The following TMEM51 variants were observed in gnomAD, a reference collection of about 807,000 sequenced individuals.
TMEM51 encodes the protein transmembrane protein 51, also known as chromosome 1 open reading frame 72.
A neutral mutation model predicts 13.6 loss-of-function variants in TMEM51; 8 were observed. That is an observed-to-expected ratio of 0.59 (90% CI 0.35 to 1.07). The LOEUF (loss-of-function observed/expected upper bound fraction) is 1.07. Among genes scored for constraint, TMEM51 ranks in the 50% least tolerant of loss-of-function variants. The pLI, the probability that TMEM51 is intolerant of heterozygous loss-of-function variation, is 0.02. For missense variants in TMEM51, 279 were observed against 330.7 expected (o/e 0.84, Z 1.21); for synonymous variants, 147 against 144.4 (o/e 1.02, Z -0.13).
At chr1:15,204,905 G>A (rs547570485) in intron 1 of TMEM51, among the ~76,000 whole-genome samples, 1 of 152,272 alleles carries the variant, frequency 6.6e-6, no homozygotes, top group South Asian at 2.1e-4. Context: ...TCGGGGGGCT[G>A]CTGCTGTTGT....
At chr1:15,173,136 C>CATGCCTAGG (rs1308957685) in intron 1 of TMEM51, among the ~76,000 whole-genome samples, 1 of 151,388 alleles carries the variant, frequency 6.6e-6, no homozygotes, top group Non-Finnish European at 1.5e-5. Context: ...TGTGCCTGGA[C>CATGCCTAGG]ATGCCTAGGG....
intron 1 of TMEM51, among the ~76,000 whole-genome samples, chr1:15,191,268 C>G (rs1004818940): frequency 1.3e-5 from 2 of 152,204 alleles, no homozygotes; most frequent in Non-Finnish European, 2.9e-5. Flanking sequence ...CTGAAGCCTC[C>G]AGAAGGAACA....
At chr1:15,210,238 G>A (rs1044453574) in intron 1 of TMEM51, among the ~76,000 whole-genome samples, 1 of 152,184 alleles carries the variant, frequency 6.6e-6, no homozygotes, top group African/African-American at 2.4e-5. Context: ...TGGAGCACAT[G>A]TCTAAGATGG....
chr1:15,167,143 T>G (rs1331954341), intron 1 of TMEM51, among the ~76,000 whole-genome samples: 4 of 151,764 alleles, frequency 2.6e-5, no homozygotes, highest in African/African-American at 9.7e-5. Context: ...CTGGCTAACA[T>G]GGTTAAACCC....
At chr1:15,154,078 C>G (rs929596163) in intron 1 of TMEM51, 124 bp downstream of exon 1, 1 of 152,158 alleles carries the variant, frequency 6.6e-6, no homozygotes, top group Non-Finnish European at 1.5e-5. Context: ...GTCCGCCGAG[C>G]GCTTCCCGCC....
At chr1:15,218,883 G>A (rs1644468339) in intron 3 of TMEM51, among the ~76,000 whole-genome samples, 1 of 152,154 alleles carries the variant, frequency 6.6e-6, no homozygotes, top group South Asian at 2.1e-4. Context: ...CTAAAAGTGG[G>A]TATAAATACA....
intron 1 of TMEM51, among the ~76,000 whole-genome samples, chr1:15,171,739 G>A (rs879293352): frequency 6.6e-6 from 1 of 152,184 alleles, no homozygotes; most frequent in African/African-American, 2.4e-5. Context: ...TCTGGGAAAA[G>A]TAGTTCCAGC....
At chr1:15,162,720 T>C (rs1174160252) in intron 1 of TMEM51, among the ~76,000 whole-genome samples, 3 of 152,058 alleles carry the variant, frequency 2.0e-5, no homozygotes, top group African/African-American at 7.3e-5. Context: ...TGCTGCAACA[T>C]GGACGAACCT....
intron 1 of TMEM51, among the ~76,000 whole-genome samples, chr1:15,194,000 A>C (rs1040786461): frequency 1.3e-5 from 2 of 152,004 alleles, no homozygotes; most frequent in Admixed American, 6.5e-5. Context: ...AGATTCCACT[A>C]TACCACTATG....
intron 2 of TMEM51, among the ~76,000 whole-genome samples, chr1:15,211,048 T>C (rs969926688): frequency 2.6e-5 from 4 of 152,222 alleles, no homozygotes; most frequent in Non-Finnish European, 5.9e-5. Context: ...AAGCAACACA[T>C]AGATATTTCT....
intron 1 of TMEM51, among the ~76,000 whole-genome samples, chr1:15,182,419 A>G (rs1308259300): frequency 6.6e-6 from 1 of 152,216 alleles, no homozygotes; most frequent in Non-Finnish European, 1.5e-5. Flanking sequence ...GCACAGCGTC[A>G]GCAAGCCTCA....
In TMEM51 at chr1:15,215,169, A is replaced by T. The variant is rs1416001022; in HGVS notation, c.82A>T (p.Met28Leu). 3 of 1,614,196 alleles carry T rather than the reference A, an allele frequency of 1.9e-6. No homozygotes were observed. Among genetic ancestry groups the T allele is most frequent in the Non-Finnish European group, 2.5e-6 (3 of 1,180,040 alleles). ...GGGGATGCTGGTCCTTGGGGTGATC[A>T]TGGCCATGTGGAACCTGGTACCCGG... ...GLGMLVLGVI[M>L]AMWNLVPGFS... Residue 28 changes from methionine (M) to leucine (L), a missense_variant, in exon 3 of 4, where the codon ATG (methionine) becomes TTG (leucine). Physicochemically the swap from Met to Leu is conservative, Grantham distance 15. Coordinates refer to ENST00000376008, the MANE Select transcript of TMEM51 (RefSeq NM_001136218.2).
intron 3 of TMEM51, among the ~76,000 whole-genome samples, chr1:15,219,099 TAACTC>T (rs1644472492): frequency 6.6e-6 from 1 of 152,228 alleles, no homozygotes; most frequent in Non-Finnish European, 1.5e-5. Context: ...GACTAGTACT[TAACTC>T]ATAGTGTTGT....
At chr1:15,213,551 GTCC>G (rs1644375756) in intron 2 of TMEM51, among the ~76,000 whole-genome samples, 2 of 152,172 alleles carry the variant, frequency 1.3e-5, no homozygotes, top group African/African-American at 4.8e-5. Flanking sequence ...CTCCTCCTCA[GTCC>G]TTGAGAATGT....
chr1:15,167,326 C>CAAAAA (rs555274126), intron 1 of TMEM51, among the ~76,000 whole-genome samples: 52 of 69,430 alleles, frequency 7.5e-4, no homozygotes, highest in Middle Eastern at 0.01. Context: ...GACTCCATCT[C>CAAAAA]AAAAAAAAAA....
upstream of TMEM51, among the ~76,000 whole-genome samples, chr1:15,153,456 G>A (rs1642465223): frequency 6.6e-6 from 1 of 152,190 alleles, no homozygotes; most frequent in South Asian, 2.1e-4. Context: ...GAGGAGGGGG[G>A]ATCAGGGCTC....
At chr1:15,210,299 T>C (rs1308421138) in intron 1 of TMEM51, among the ~76,000 whole-genome samples, 191 bp from the exon 2 acceptor site, 1 of 152,218 alleles carries the variant, frequency 6.6e-6, no homozygotes, top group Non-Finnish European at 1.5e-5. Context: ...TTGTCATCCT[T>C]CTGCAACTCA....
chr1:15,188,454 A>G (rs1221672305), intron 1 of TMEM51, among the ~76,000 whole-genome samples: 1 of 152,198 alleles, frequency 6.6e-6, no homozygotes, highest in African/African-American at 2.4e-5. Flanking sequence ...TGACATGGCC[A>G]CCACATCACC....
intron 1 of TMEM51, among the ~76,000 whole-genome samples, chr1:15,165,179 A>G (rs1161783708): frequency 6.6e-6 from 1 of 152,162 alleles, no homozygotes; most frequent in Non-Finnish European, 1.5e-5. Flanking sequence ...GGCCAGGCAC[A>G]GTGGCTGACA....
Sources: gnomAD v4.1 joint callset for allele counts (sites outside exome capture counted in the v4.1 genomes callset) on GRCh38, gnomAD v4.1.1 for gene constraint, MANE v1.5 for transcripts, NCBI Gene and HGNC (gene_info 2026-07-23, HGNC 2026-07-21) for gene names.